The following PIGU variants were observed in gnomAD, a reference collection of about 807,000 sequenced individuals.
PIGU encodes GPI-anchor transamidase component PIGU.
PIGU carries 24 observed loss-of-function variants against 49.9 expected under a neutral mutation model. That is an observed-to-expected ratio of 0.48 (90% confidence interval 0.35 to 0.68). The LOEUF (loss-of-function observed/expected upper bound fraction) is 0.68. Ranked by LOEUF, PIGU falls within the 30% of genes least tolerant of loss-of-function variation. PIGU has a pLI of 0.01. For synonymous variants in PIGU, 220 were observed against 205.7 expected (o/e 1.07, Z -0.59); for missense variants, 490 against 532.6 (o/e 0.92, Z 0.79).
intron 1 of PIGU, among the ~76,000 whole-genome samples, chr20:34,659,250 GT>G (rs1986839253): frequency 2.7e-5 from 3 of 111,014 alleles, no homozygotes; most frequent in East Asian, 2.6e-4. Context: ...CGGGAGGGAG[GT>G]GGGGGGGTCA....
intron 4 of PIGU, among the ~76,000 whole-genome samples, chr20:34,639,326 G>A (rs907256263): frequency 2.0e-5 from 3 of 152,116 alleles, no homozygotes; most frequent in Non-Finnish European, 4.4e-5. Flanking sequence ...GCGTGAACCC[G>A]GGAGGCGGAG....
chr20:34,657,039 G>A, intron 2 of PIGU, 141 bp downstream of exon 2: 2 of 646,568 alleles, frequency 3.1e-6, no homozygotes, highest in Non-Finnish European at 5.4e-6. Flanking sequence ...TTATGCAGAG[G>A]ACATCTAAAA....
chr20:34,618,717 G>C (rs2146743865), intron 6 of PIGU, among the ~76,000 whole-genome samples: 1 of 152,296 alleles, frequency 6.6e-6, no homozygotes, highest in South Asian at 2.1e-4. Flanking sequence ...AGCCCTAGAG[G>C]TTGAGGCTGC....
Position 34,590,919 on chromosome 20 carries a change from G to A in PIGU, c.628-2312C>T, listed in dbSNP as rs1983948183. On this transcript the variant is annotated intron_variant, in intron 7 of 11. Coordinates refer to ENST00000217446, the MANE Select transcript of PIGU (RefSeq NM_080476.5). The stretch of plus-strand genomic sequence containing the variant: ...GCCTGTAGTCCCAGCTACTCAGGAG[G>A]CTGAGGCAGGAGAATGGCGTGAACC... Among the ~76,000 whole-genome samples, 5 of 151,740 alleles carry A rather than the reference G, an allele frequency of 3.3e-5. No individual in the cohort carries two copies. In the South Asian group the frequency reaches 1.0e-3, roughly 31 times the overall value.
rs76517773 is a variant in PIGU at position 34,612,594 on chromosome 20, C to T, written c.627+3448G>A. Among the ~76,000 whole-genome samples, 286 of 151,022 alleles carry T rather than the reference C, an allele frequency of 1.9e-3. 1 individual carries two copies. The highest frequency in any genetic ancestry group is 0.016 in the East Asian group (85 of 5,164). ...AATAAATAAATAAATAACCAAGTCT[C>T]GGGCAGTTCTTTTTCTTTCCTTTTC... is the stretch of plus-strand genomic sequence containing the variant. On this transcript the variant is annotated intron_variant, in intron 7 of 11. Coordinates refer to ENST00000217446, the MANE Select transcript of PIGU (RefSeq NM_080476.5).
intron 10 of PIGU, among the ~76,000 whole-genome samples, chr20:34,575,863 C>T (rs899889498): frequency 2.0e-5 from 3 of 152,166 alleles, no homozygotes; most frequent in Admixed American, 2.0e-4. Context: ...CGAATCCCAC[C>T]AGGAAGAAAG....
At chr20:34,616,824 C>T (rs1445853662) in intron 6 of PIGU, among the ~76,000 whole-genome samples, 2 of 151,874 alleles carry the variant, frequency 1.3e-5, no homozygotes, top group African/African-American at 2.4e-5. Flanking sequence ...TTTTAAAAGA[C>T]GAAAAGCCAG....
intron 1 of PIGU, among the ~76,000 whole-genome samples, chr20:34,664,611 T>C (rs1600671644): frequency 6.6e-6 from 1 of 152,102 alleles, no homozygotes; most frequent in South Asian, 2.1e-4. Context: ...GAGGTTGCAG[T>C]GAGACAAGAT....
At chr20:34,666,902 A>C (rs926309681) in intron 1 of PIGU, among the ~76,000 whole-genome samples, 58 of 151,892 alleles carry the variant, frequency 3.8e-4, no homozygotes, top group Middle Eastern at 3.4e-3. Flanking sequence ...GTTTCACCGT[A>C]TTAGCCAGGA....
At chr20:34,601,574 C>T (rs1237907445) in intron 7 of PIGU, among the ~76,000 whole-genome samples, 1 of 152,156 alleles carries the variant, frequency 6.6e-6, no homozygotes, top group African/African-American at 2.4e-5. Context: ...AAAGAACACC[C>T]AGGGCATACA....
At chr20:34,561,296 C>T (rs1434826847) in intron 11 of PIGU, among the ~76,000 whole-genome samples, 2 of 152,190 alleles carry the variant, frequency 1.3e-5, no homozygotes, top group Non-Finnish European at 2.9e-5. Flanking sequence ...CAGCCACTTC[C>T]ATCCCAGCCA....
chr20:34,608,990 G>A (rs920157290), intron 7 of PIGU, among the ~76,000 whole-genome samples: 1 of 152,042 alleles, frequency 6.6e-6, no homozygotes, highest in African/African-American at 2.4e-5. Context: ...CAGCCCTAAA[G>A]AATAATTTTA....
intron 11 of PIGU, among the ~76,000 whole-genome samples, chr20:34,574,302 A>G (rs572316072): frequency 6.6e-6 from 1 of 152,350 alleles, no homozygotes; most frequent in East Asian, 1.9e-4. Flanking sequence ...TCCACATTGA[A>G]TCAACATTTC....
At chr20:34,566,043 C>T (rs375654712) in intron 11 of PIGU, among the ~76,000 whole-genome samples, 2 of 151,364 alleles carry the variant, frequency 1.3e-5, no homozygotes, top group African/African-American at 2.4e-5. Flanking sequence ...CACACATACA[C>T]GCACGCTCTC....
At chr20:34,641,583 G>A (rs1206437568) in intron 4 of PIGU, among the ~76,000 whole-genome samples, 1 of 152,106 alleles carries the variant, frequency 6.6e-6, no homozygotes, top group Admixed American at 6.6e-5. Flanking sequence ...CAGTCCGCAG[G>A]CTAACAGCTG....
chr20:34,595,553 T>A (rs911710181), intron 7 of PIGU, among the ~76,000 whole-genome samples: 1 of 152,172 alleles, frequency 6.6e-6, no homozygotes, highest in Non-Finnish European at 1.5e-5. Context: ...GGGGAGGGAC[T>A]AGAAGAACAG....
At chr20:34,647,657 G>A (rs766790608) in intron 2 of PIGU, among the ~76,000 whole-genome samples, 18 of 151,748 alleles carry the variant, frequency 1.2e-4, no homozygotes, top group African/African-American at 1.7e-4. Flanking sequence ...TGCCTGCCTC[G>A]GCCTCCCATT....
At chr20:34,635,208 C>T (rs6142210) in intron 5 of PIGU, among the ~76,000 whole-genome samples, 59,475 of 152,076 alleles carry the variant, frequency 0.39, 12,005 homozygotes, top group Admixed American at 0.56. Flanking sequence ...GCTACATTTA[C>T]CTCTGAGAAC....
In PIGU at chr20:34,664,470, G is replaced by A. The variant is rs762292932; in HGVS notation, c.131-7226C>T. Among the ~76,000 whole-genome samples the A allele has an allele frequency of 9.2e-5, 14 of 152,154 alleles. 1 individual carries two copies. Among genetic ancestry groups the A allele is most frequent in the Admixed American group, 4.6e-4 (7 of 15,268 alleles). On this transcript the variant is annotated intron_variant, in intron 1 of 11. Coordinates refer to ENST00000217446, the MANE Select transcript of PIGU (RefSeq NM_080476.5). Reference sequence around the variant, plus strand: ...TCCCAGCACTTTGGGAGGCCCAGGCGGGTGGATCACCTGAGGTCAAGCACT... The same window carrying A: ...TCCCAGCACTTTGGGAGGCCCAGGCAGGTGGATCACCTGAGGTCAAGCACT...
Sources: allele counts gnomAD v4.1 joint callset (sites outside exome capture counted in the v4.1 genomes callset), GRCh38; gene constraint gnomAD v4.1.1; transcripts MANE v1.5; gene names NCBI Gene and HGNC (gene_info 2026-07-23, HGNC 2026-07-21).